The following EXOC4 variants were observed in gnomAD, a reference collection of about 807,000 sequenced individuals.
The protein encoded by EXOC4 is exocyst complex component 4.
Under a neutral mutation model 107.2 loss-of-function variants are expected in EXOC4, and 71 were observed. The observed-to-expected ratio is 0.66, with a 90% confidence interval of 0.55 to 0.81. EXOC4 has a LOEUF of 0.81. Among genes scored for constraint, EXOC4 ranks in the 30% least tolerant of loss-of-function variants. The pLI, the probability that EXOC4 is intolerant of heterozygous loss-of-function variation, is 0.00. For missense variants in EXOC4, 1,108 were observed against 1,189.6 expected (o/e 0.93, Z 1.01); for synonymous variants, 456 against 441.2 (o/e 1.03, Z -0.42).
intron 11 of EXOC4, among the ~76,000 whole-genome samples, chr7:133,826,105 G>A (rs960618281): frequency 6.6e-6 from 1 of 152,096 alleles, no homozygotes; most frequent in Non-Finnish European, 1.5e-5. Flanking sequence ...TGAGGAAGAT[G>A]GAGTGGAAGA....
Position 133,516,652 on chromosome 7 carries a change from A to G in EXOC4, c.1417+36514A>G, listed in dbSNP as rs567473884. On this transcript the variant is annotated intron_variant, in intron 9 of 17. Transcript: ENST00000253861. ...TTCATGTGCAGGTGCAGGATTTTAT[A>G]TGCACATGTTTTCATTCTGCTTGGG... Among the ~76,000 whole-genome samples, 15 of 151,260 alleles carry G rather than the reference A, an allele frequency of 9.9e-5. No homozygotes were observed. In the South Asian group the frequency reaches 2.5e-3, roughly 25 times the overall value.
At chr7:133,609,403 G>T (rs1429811276) in intron 9 of EXOC4, among the ~76,000 whole-genome samples, 1 of 152,160 alleles carries the variant, frequency 6.6e-6, no homozygotes, top group Non-Finnish European at 1.5e-5. Context: ...CATGTATATT[G>T]TGACTGCAGT....
At chr7:133,855,125 ATAAATATAT>A (rs1798340768) in intron 11 of EXOC4, among the ~76,000 whole-genome samples, 1 of 72,342 alleles carries the variant, frequency 1.4e-5, no homozygotes, top group African/African-American at 8.3e-5. Flanking sequence ...ATATATATAT[ATAAATATAT>A]ATATATATAA....
At chr7:134,002,027 C>A (rs376218111) in intron 15 of EXOC4, among the ~76,000 whole-genome samples, 1 of 152,192 alleles carries the variant, frequency 6.6e-6, no homozygotes. Context: ...CAGTAGCAAT[C>A]AGTGTGCTAG....
At chr7:134,081,249 G>A in the EXOC4 span, among the ~76,000 whole-genome samples, 18 of 152,132 alleles carry the variant, frequency 1.2e-4, no homozygotes, top group African/African-American at 4.1e-4. Flanking sequence ...AGGCTGAGGC[G>A]GGAGAATCAC....
In EXOC4 at chr7:134,065,095, CT is replaced by C. The variant is rs1267018428; in HGVS notation, c.*568del. On this transcript the variant is annotated 3_prime_UTR_variant, in exon 18 of 18. Transcript: ENST00000253861. ...AACTTCCCTAACCAAAACAGAACCTCTAATTTAGGGCTAGGAATAGAAGTCT... is the reference window on the plus strand; with the variant it reads ...AACTTCCCTAACCAAAACAGAACCTCAATTTAGGGCTAGGAATAGAAGTCT... The C allele has an allele frequency of 6.6e-6, 1 of 152,574 alleles. No individual in the cohort carries two copies. The highest frequency in any genetic ancestry group is 1.9e-4 in the East Asian group (1 of 5,180). The allele number at this position is 152,574 out of a possible 1,614,324, so 9.5% of individuals were successfully genotyped here.
At chr7:133,871,105 C>T (rs916634734) in intron 11 of EXOC4, among the ~76,000 whole-genome samples, 6 of 152,334 alleles carry the variant, frequency 3.9e-5, no homozygotes, top group Admixed American at 3.9e-4. Flanking sequence ...CTCATCACTT[C>T]TTAATTATTT....
chr7:133,403,609 A>G (rs1287561960), intron 7 of EXOC4, among the ~76,000 whole-genome samples: 3 of 152,196 alleles, frequency 2.0e-5, no homozygotes, highest in Non-Finnish European at 1.5e-5. Flanking sequence ...ACTTCTGAAT[A>G]TTACCATTCA....
At chr7:133,404,893 CA>C (rs1797180728) in intron 7 of EXOC4, among the ~76,000 whole-genome samples, 3 of 34,730 alleles carry the variant, frequency 8.6e-5, no homozygotes, top group African/African-American at 3.5e-4. Context: ...AATACACACA[CA>C]CACACACACG....
At chr7:133,496,003 CT>C (rs200087681) in intron 9 of EXOC4, among the ~76,000 whole-genome samples, 12 of 151,330 alleles carry the variant, frequency 7.9e-5, no homozygotes, top group Non-Finnish European at 1.8e-4. Context: ...AGTATACCTT[CT>C]TTTTTTTTAA....
intron 14 of EXOC4, among the ~76,000 whole-genome samples, chr7:133,963,124 G>A (rs919790068): frequency 5.3e-5 from 8 of 152,342 alleles, no homozygotes; most frequent in Admixed American, 1.3e-4. Flanking sequence ...CCCTGTCCCC[G>A]CACTTCACCA....
intron 6 of EXOC4, among the ~76,000 whole-genome samples, chr7:133,372,336 C>G (rs1167150231): frequency 1.3e-5 from 2 of 152,154 alleles, no homozygotes; most frequent in East Asian, 3.8e-4. Context: ...GCTGCAAGTT[C>G]CTAGCTACTA....
intron 10 of EXOC4, among the ~76,000 whole-genome samples, chr7:133,813,988 A>G (rs576204210): frequency 2.0e-5 from 3 of 152,336 alleles, no homozygotes; most frequent in South Asian, 2.1e-4. Context: ...TTATACAGCA[A>G]TTTATTAAAT....
intron 10 of EXOC4, among the ~76,000 whole-genome samples, chr7:133,645,055 G>A (rs531611640): frequency 1.6e-4 from 24 of 147,798 alleles, no homozygotes; most frequent in African/African-American, 6.0e-4. Flanking sequence ...TCATCCCTCA[G>A]CAACATCTTT....
intron 9 of EXOC4, among the ~76,000 whole-genome samples, chr7:133,515,332 T>TACACACACACACAC (rs143017406): frequency 3.7e-4 from 55 of 150,102 alleles, no homozygotes; most frequent in African/African-American, 1.3e-3. Context: ...CAAGTGTGCA[T>TACACACACACACAC]ACACACACAC....
intron 15 of EXOC4, among the ~76,000 whole-genome samples, chr7:134,001,921 G>A (rs1437370372): frequency 6.6e-6 from 1 of 152,162 alleles, no homozygotes; most frequent in Non-Finnish European, 1.5e-5. Context: ...CTCATTGCCT[G>A]GAGTCATAAT....
chr7:133,334,300 C>A (rs1795460715), intron 5 of EXOC4, among the ~76,000 whole-genome samples: 1 of 152,194 alleles, frequency 6.6e-6, no homozygotes, highest in Admixed American at 6.5e-5. Flanking sequence ...ACATTCATTT[C>A]TGCTTTATCC....
chr7:133,855,926 AC>A (rs1173578922), intron 11 of EXOC4, among the ~76,000 whole-genome samples: 1 of 152,186 alleles, frequency 6.6e-6, no homozygotes, highest in Admixed American at 6.5e-5. Flanking sequence ...GTAGGTTGTC[AC>A]CCATATAAAT....
intron 10 of EXOC4, among the ~76,000 whole-genome samples, chr7:133,668,014 T>A (rs1377830886): frequency 6.6e-6 from 1 of 152,224 alleles, no homozygotes; most frequent in Non-Finnish European, 1.5e-5. Flanking sequence ...AGGATGTTTT[T>A]ACCTTAATAG....
Sources: gnomAD v4.1 joint callset for allele counts (sites outside exome capture counted in the v4.1 genomes callset) on GRCh38, gnomAD v4.1.1 for gene constraint, MANE v1.5 for transcripts, NCBI Gene and HGNC (gene_info 2026-07-23, HGNC 2026-07-21) for gene names.